The following RALGAPA1 variants were observed in gnomAD, a reference collection of about 807,000 sequenced individuals.
The protein encoded by RALGAPA1 is Ral GTPase activating protein catalytic subunit alpha 1, also known as ral GTPase-activating protein subunit alpha-1.
RALGAPA1 carries 52 observed loss-of-function variants against 269.6 expected under a neutral mutation model. The ratio of observed to expected loss-of-function variants is 0.19; its 90% CI spans 0.15 to 0.24. The LOEUF is 0.24. Among genes scored for constraint, RALGAPA1 ranks in the 10% least tolerant of loss-of-function variants. RALGAPA1 has a pLI of 1.00. For missense variants in RALGAPA1, 1,917 were observed against 3,013.9 expected (o/e 0.64, Z 8.52); for synonymous variants, 817 against 1,008.3 (o/e 0.81, Z 3.60).
Position 35,806,075 on chromosome 14 carries a change from G to T in RALGAPA1, c.106+2655C>A, listed in dbSNP as rs2077355832. 2.6e-5 allele frequency among the ~76,000 whole-genome samples: 4 copies of T among 152,280 alleles called. No individual in the cohort carries two copies. The South Asian group carries it at 8.3e-4, about 32-fold the overall frequency. Reference sequence around the variant, plus strand: ...AATATTTGTTATGATGGTTTCAGGAGATATACATATGTAAAAATTATTCAA... The same window carrying T: ...AATATTTGTTATGATGGTTTCAGGATATATACATATGTAAAAATTATTCAA... On this transcript the variant is annotated intron_variant, in intron 1 of 41. Coordinates refer to ENST00000680220, the MANE Select transcript of RALGAPA1 (RefSeq NM_001346249.2).
chr14:35,657,217 C>T (rs1363482036), intron 28 of RALGAPA1, among the ~76,000 whole-genome samples: 1 of 149,090 alleles, frequency 6.7e-6, no homozygotes, highest in East Asian at 2.0e-4. Context: ...GACAGAGTCT[C>T]ACTCTGTCTT....
At chr14:35,798,084 G>A (rs2076707489) in intron 1 of RALGAPA1, among the ~76,000 whole-genome samples, 1 of 151,436 alleles carries the variant, frequency 6.6e-6, no homozygotes, top group Admixed American at 6.6e-5. Context: ...TGTTGCCTAG[G>A]ATGGTCTTGA....
Position 35,738,780 on chromosome 14 carries a change from T to C in RALGAPA1, c.1450-130A>G, listed in dbSNP as rs147023229. The C allele has an allele frequency of 1.7e-3, 1,096 of 654,750 alleles. 3 individuals carry two copies. Among genetic ancestry groups the C allele is most frequent in the African/African-American group, 0.016 (884 of 55,128 alleles). 40.6% of individuals were successfully genotyped at this position (654,750 alleles called of 1,614,324 possible). A position where few individuals can be genotyped will look rare whatever the true frequency, so the allele number is the denominator to read the frequency against. On this transcript the variant is annotated intron_variant, in intron 11 of 41. Transcript: ENST00000680220. ...GGTTTCTTTCTCTCAAAATAGATGA[T>C]GTCTTATCCAAATCCAAAAACAATG...
Position 35,627,237 on chromosome 14 carries a change from T to G in RALGAPA1, c.6710A>C (p.Glu2237Ala), listed in dbSNP as rs2061051258. ...VINAILKQHT[E>A]EKEFVEKHFN... ...GTGCTTCTCAACAAATTCTTTTTCTTCTGTATGTTGCTTAAGGATAGCATT... is the reference window on the plus strand; with the variant it reads ...GTGCTTCTCAACAAATTCTTTTTCTGCTGTATGTTGCTTAAGGATAGCATT... The change falls in exon 34 of 42, where the codon GAA becomes GCA. Residue 2237 changes from glutamate (E) to alanine (A), a missense_variant. Transcript: ENST00000680220. The G allele has an allele frequency of 1.2e-6, 2 of 1,606,474 alleles. No homozygotes were observed. Among genetic ancestry groups the G allele is most frequent in the Admixed American group, 1.7e-5 (1 of 57,890 alleles).
chr14:35,611,912 C>A (rs553493265), intron 35 of RALGAPA1, among the ~76,000 whole-genome samples: 1 of 152,136 alleles, frequency 6.6e-6, no homozygotes, highest in East Asian at 1.9e-4. Context: ...TCAAAGCACT[C>A]ATAGTAATGA....
At chr14:35,735,704 G>A (rs2070923196) in intron 12 of RALGAPA1, among the ~76,000 whole-genome samples, 1 of 151,058 alleles carries the variant, frequency 6.6e-6, no homozygotes, top group East Asian at 1.9e-4. Flanking sequence ...ATAACCCATG[G>A]AATAATAAAA....
At chr14:35,571,199 G>C (rs1008793162) in intron 38 of RALGAPA1, among the ~76,000 whole-genome samples, 7 of 152,110 alleles carry the variant, frequency 4.6e-5, no homozygotes, top group Admixed American at 4.6e-4. Context: ...AAATATCTAT[G>C]TTTTGATAAT....
At chr14:35,555,659 A>G (rs1480064574) in intron 39 of RALGAPA1, among the ~76,000 whole-genome samples, 1 of 152,246 alleles carries the variant, frequency 6.6e-6, no homozygotes, top group Non-Finnish European at 1.5e-5. Context: ...ATCCATCAAC[A>G]TTACTTCCAG....
intron 31 of RALGAPA1, among the ~76,000 whole-genome samples, chr14:35,644,691 A>G (rs964897984): frequency 1.3e-5 from 2 of 152,220 alleles, no homozygotes; most frequent in Non-Finnish European, 2.9e-5. Flanking sequence ...GGAGTTACAA[A>G]TAAGGAAAAC....
chr14:35,752,329 C>T (rs1030064442), intron 7 of RALGAPA1, among the ~76,000 whole-genome samples, 167 bp from the exon 8 acceptor site: 1 of 152,048 alleles, frequency 6.6e-6, no homozygotes, highest in Non-Finnish European at 1.5e-5. Flanking sequence ...GGTCTAATGT[C>T]AAACAAGTAC....
chr14:35,713,307 C>A (rs1269538589), intron 16 of RALGAPA1, among the ~76,000 whole-genome samples: 1 of 152,150 alleles, frequency 6.6e-6, no homozygotes, highest in Non-Finnish European at 1.5e-5. Context: ...ATGATTCAAT[C>A]AGAGTTTGGG....
chr14:35,639,943 GA>G (rs60488327), intron 31 of RALGAPA1, among the ~76,000 whole-genome samples: 48,695 of 117,840 alleles, frequency 0.41, 11,014 homozygotes, highest in African/African-American at 0.69. Flanking sequence ...TGTCTCAAAA[GA>G]AAAAAAAAAA....
At position 35,738,599 on chromosome 14, in the gene RALGAPA1, T is replaced by G; in HGVS notation, c.1501A>C (p.Asn501His). 1.2e-6 allele frequency: 2 copies of G among 1,613,538 alleles called. No individual in the cohort carries two copies. Among genetic ancestry groups the G allele is most frequent in the South Asian group, 2.2e-5 (2 of 91,012 alleles). ...DHVRNSSWAKNGSYQGALHNA... is the reference protein window; with the variant it reads ...DHVRNSSWAKHGSYQGALHNA... The stretch of plus-strand genomic sequence containing the variant: ...TGAAGAGCACCTTGGTAGGAGCCGT[T>G]TTTTGCCCAACTGGAATTTCGAACA... The change falls in exon 12 of 42, where the codon AAC becomes CAC. Residue 501 changes from asparagine to histidine, a missense_variant. Coordinates refer to ENST00000680220, the MANE Select transcript of RALGAPA1 (RefSeq NM_001346249.2).
intron 35 of RALGAPA1, among the ~76,000 whole-genome samples, chr14:35,612,308 T>C (rs143750014): frequency 3.3e-5 from 5 of 150,334 alleles, no homozygotes; most frequent in African/African-American, 9.8e-5. Context: ...GAAGTTGAGG[T>C]TGCAGTGAGC....
chr14:35,682,458 G>A (rs146362923), intron 21 of RALGAPA1, among the ~76,000 whole-genome samples: 63 of 152,080 alleles, frequency 4.1e-4, no homozygotes, highest in Non-Finnish European at 7.9e-4. Context: ...CCGCCACCAC[G>A]CCTGGCTAAT....
intron 17 of RALGAPA1, among the ~76,000 whole-genome samples, chr14:35,693,855 C>T (rs992983265): frequency 5.3e-5 from 8 of 151,892 alleles, no homozygotes; most frequent in African/African-American, 7.2e-5. Flanking sequence ...ATTAAAAAAC[C>T]GGTTTTTTCC....
At chr14:35,680,775 C>T (rs1315159635) in intron 21 of RALGAPA1, among the ~76,000 whole-genome samples, 4 of 151,690 alleles carry the variant, frequency 2.6e-5, no homozygotes, top group Non-Finnish European at 4.4e-5. Flanking sequence ...CCACCACGCC[C>T]GGCTAATTTT....
intron 35 of RALGAPA1, among the ~76,000 whole-genome samples, chr14:35,606,470 G>C (rs2059604458): frequency 6.6e-6 from 1 of 152,164 alleles, no homozygotes; most frequent in Non-Finnish European, 1.5e-5. Context: ...TGAGACTACT[G>C]TCATATATGT....
At chr14:35,708,738 T>G (rs2068030159) in intron 16 of RALGAPA1, among the ~76,000 whole-genome samples, 1 of 152,146 alleles carries the variant, frequency 6.6e-6, no homozygotes, top group Non-Finnish European at 1.5e-5. Context: ...GCAATCCCAC[T>G]CCTGGGTATA....
Sources: allele counts gnomAD v4.1 joint callset (sites outside exome capture counted in the v4.1 genomes callset), GRCh38; gene constraint gnomAD v4.1.1; transcripts MANE v1.5; gene names NCBI Gene and HGNC (gene_info 2026-07-23, HGNC 2026-07-21).